Variants in GRHL1 observed in about 807,000 individuals in gnomAD.
GRHL1 encodes the protein grainyhead-like protein 1 homolog.
GRHL1 carries 38 observed loss-of-function variants against 75.7 expected under a neutral mutation model. That is an observed-to-expected ratio of 0.50 (90% CI 0.39 to 0.66). GRHL1 has a LOEUF of 0.66. GRHL1 is among the 30% of genes least tolerant of loss of function. The probability of loss-of-function intolerance (pLI) is 0.00; values close to 1 mark genes in which losing one functional copy is unlikely to be tolerated. For synonymous variants in GRHL1, 266 were observed against 279.4 expected (o/e 0.95, Z 0.48); for missense variants, 589 against 767.5 (o/e 0.77, Z 2.75).
intron 11 of GRHL1, 132 bp from the exon 12 acceptor site, chr2:9,993,075 T>C (rs539962892): frequency 1.9e-5 from 15 of 778,212 alleles, no homozygotes; most frequent in South Asian, 1.4e-4. Flanking sequence ...GAATCTGTTA[T>C]TGAAAACTAA....
chr2:9,966,706 C>T (rs1211538285), intron 8 of GRHL1, among the ~76,000 whole-genome samples: 1 of 152,026 alleles, frequency 6.6e-6, no homozygotes, highest in Non-Finnish European at 1.5e-5. Context: ...GTCTTGAGAG[C>T]CATGTTCTGC....
At chr2:9,959,936 T>C (rs1444483295) in intron 3 of GRHL1, 2 of 152,190 alleles carry the variant, frequency 1.3e-5, no homozygotes, top group Admixed American at 1.3e-4. Flanking sequence ...GTTCAAACAG[T>C]TTTATTGATC....
intron 2 of GRHL1, among the ~76,000 whole-genome samples, chr2:9,956,777 A>G: frequency 6.6e-6 from 1 of 152,154 alleles, no homozygotes. Flanking sequence ...TAAAACATTA[A>G]TTATGAAGTT....
chr2:9,967,203 T>G (rs1280156827), intron 8 of GRHL1, among the ~76,000 whole-genome samples: 2 of 152,242 alleles, frequency 1.3e-5, no homozygotes, highest in Non-Finnish European at 2.9e-5. Context: ...AGTCCCTCAG[T>G]TCACTAGCTC....
intron 5 of GRHL1, 51 bp downstream of exon 5, chr2:9,962,582 T>C (rs1199540943): frequency 2.0e-6 from 2 of 997,676 alleles, no homozygotes; most frequent in East Asian, 4.8e-5. Flanking sequence ...TTATAACTTA[T>C]TCCTTTCTTG....
At chr2:9,958,174 C>CTTTTTTT (rs61051898) in intron 2 of GRHL1, among the ~76,000 whole-genome samples, 3 of 130,762 alleles carry the variant, frequency 2.3e-5, no homozygotes, top group African/African-American at 2.9e-5. Context: ...TTCTTTTTTT[C>CTTTTTTT]TTTTTTTTTT....
At position 9,990,477 on chromosome 2, in the gene GRHL1, A is replaced by G. The variant is rs930514935; in HGVS notation, c.1270-219A>G. Among the ~76,000 whole-genome samples, 3 of 152,172 alleles carry G rather than the reference A, an allele frequency of 2.0e-5. No homozygotes were observed. Among genetic ancestry groups the G allele is most frequent in the Non-Finnish European group, 2.9e-5 (2 of 68,036 alleles). ...GAATTTTGCTTTATTTGTTTTTCAAATAAATGTTGTTCCCTGTGATTTCAT... is the reference window on the plus strand; with the variant it reads ...GAATTTTGCTTTATTTGTTTTTCAAGTAAATGTTGTTCCCTGTGATTTCAT... On this transcript the variant is annotated intron_variant, in intron 9 of 15. Transcript: ENST00000324907. This position sits in a 1 kb window ranked among gnomAD's most constrained non-coding sequence, Gnocchi z 4.2.
chr2:9,966,816 AGTGAGGAAGCTTTAG>A (rs1456821602), intron 8 of GRHL1, among the ~76,000 whole-genome samples: 1 of 152,184 alleles, frequency 6.6e-6, no homozygotes, highest in Non-Finnish European at 1.5e-5. Context: ...CCCACCAGGC[AGTGAGGAAGCTTTAG>A]GTGATTGTGG....
rs1426460943 is a variant in GRHL1, at chr2:9,951,738, C to CCCGCAG, written c.-91_-86dup. The CCCGCAG allele has an allele frequency of 5.0e-6, 6 of 1,201,158 alleles. No individual in the cohort carries two copies. The East Asian group carries it at 1.0e-4, about 21-fold the overall frequency. 74.4% of individuals were successfully genotyped at this position (1,201,158 alleles called of 1,614,324 possible). A position where few individuals can be genotyped will look rare whatever the true frequency, so the allele number is the denominator to read the frequency against. On this transcript the variant is annotated 5_prime_UTR_variant, in exon 1 of 16. Transcript: ENST00000324907. This position sits in a 1 kb window ranked among gnomAD's most constrained non-coding sequence, Gnocchi z 4.2. ...AACCCGTCGGGGCCGCCGCTCCGGA[C>CCCGCAG]CCGCAGCCGCCGCCGCCGCCTCCTC...
At chr2:9,983,867 A>G (rs927617228) in intron 8 of GRHL1, among the ~76,000 whole-genome samples, 6 of 152,098 alleles carry the variant, frequency 3.9e-5, no homozygotes. Flanking sequence ...GTTTAAAAAA[A>G]AAAATGTGGC....
intron 8 of GRHL1, among the ~76,000 whole-genome samples, chr2:9,979,370 G>A (rs1006873240): frequency 2.0e-5 from 3 of 151,802 alleles, no homozygotes; most frequent in African/African-American, 7.2e-5. Flanking sequence ...AAGTAGCTGG[G>A]ACTACAGGTG....
rs887736928 is a variant in GRHL1 at position 9,968,810 on chromosome 2, A to G, written c.1110+3429A>G. ...TTTGCAGGAATTCAGAACTGAGCCCAGCACATATCCGAGAGCCTGCTGTGG... is the reference window on the plus strand; with the variant it reads ...TTTGCAGGAATTCAGAACTGAGCCCGGCACATATCCGAGAGCCTGCTGTGG... On this transcript the variant is annotated intron_variant, in intron 8 of 15. Coordinates refer to ENST00000324907, the MANE Select transcript of GRHL1 (RefSeq NM_198182.3). This position sits in a 1 kb window ranked among gnomAD's most constrained non-coding sequence, Gnocchi z 4.7. Among the ~76,000 whole-genome samples, 2 of 152,204 alleles carry G rather than the reference A, an allele frequency of 1.3e-5. No homozygotes were observed. Among genetic ancestry groups the G allele is most frequent in the Admixed American group, 1.3e-4 (2 of 15,288 alleles).
chr2:9,991,698 C>T lies in GRHL1; in HGVS notation c.1322-309C>T, dbSNP rs147849118. On this transcript the variant is annotated intron_variant, in intron 10 of 15. Coordinates refer to ENST00000324907, the MANE Select transcript of GRHL1 (RefSeq NM_198182.3). Reference sequence around the variant, plus strand: ...ATGTTTACACAATTATACATTTTAGCCTTTCCAATGAAAACTAAATACGCT... The same window carrying T: ...ATGTTTACACAATTATACATTTTAGTCTTTCCAATGAAAACTAAATACGCT... 8.0e-4 allele frequency among the ~76,000 whole-genome samples: 122 copies of T among 152,322 alleles called. 1 individual carries two copies. The highest frequency in any genetic ancestry group is 6.8e-3 in the Middle Eastern group (2 of 294).
At chr2:9,964,640 A>T (rs549456591) in intron 7 of GRHL1, 1 of 276,810 alleles carries the variant, frequency 3.6e-6, no homozygotes, top group Non-Finnish European at 6.8e-6. Context: ...CAATTGCTTT[A>T]AGGGGTAATA....
Position 9,998,873 on chromosome 2 carries a change from T to C in GRHL1, c.1678-92T>C, listed in dbSNP as rs1309829217. On this transcript the variant is annotated intron_variant, in intron 14 of 15. Coordinates refer to ENST00000324907, the MANE Select transcript of GRHL1 (RefSeq NM_198182.3). Reference sequence around the variant, plus strand: ...GTACACATATATATACGTATATATATGTACACATATATATACATATATATA... The same window carrying C: ...GTACACATATATATACGTATATATACGTACACATATATATACATATATATA... 7.5e-5 allele frequency: 17 copies of C among 225,414 alleles called. 5 individuals carry two copies. Among genetic ancestry groups the C allele is most frequent in the East Asian group, 1.9e-4 (2 of 10,368 alleles). 14.0% of individuals were successfully genotyped at this position (225,414 alleles called of 1,614,324 possible). A position where few individuals can be genotyped will look rare whatever the true frequency, so the allele number is the denominator to read the frequency against.
chr2:9,957,585 G>C (rs1402619831), intron 2 of GRHL1, among the ~76,000 whole-genome samples: 2 of 151,798 alleles, frequency 1.3e-5, no homozygotes, highest in Non-Finnish European at 2.9e-5. Context: ...AATTTTTTGT[G>C]TTTTTAGTAG....
In GRHL1 at chr2:9,963,810, T is replaced by C. The variant is rs367909189; in HGVS notation, c.747-76T>C. 1.1e-4 allele frequency: 107 copies of C among 960,448 alleles called. 2 individuals carry two copies. The highest frequency in any genetic ancestry group is 6.4e-4 in the East Asian group (24 of 37,596). 59.5% of individuals were successfully genotyped at this position (960,448 alleles called of 1,614,324 possible). On this transcript the variant is annotated intron_variant, in intron 5 of 15. Transcript: ENST00000324907. ...TTCTTTAAGTGAAAAAGATAGCAAA[T>C]GCTATTTATAATATGATGTATAGCA...
chr2:9,961,707 C>A lies in GRHL1; in HGVS notation c.669+271C>A, dbSNP rs181100464. Among the ~76,000 whole-genome samples, 28 of 152,246 alleles carry A rather than the reference C, an allele frequency of 1.8e-4. No homozygotes were observed. In the East Asian group the frequency reaches 5.0e-3, roughly 27 times the overall value. ...TAAGGGATTTGCTGGAGAAAGAGAA[C>A]CCCATACATAATCTTCTGTTGACCA... On this transcript the variant is annotated intron_variant, in intron 4 of 15. Coordinates refer to ENST00000324907, the MANE Select transcript of GRHL1 (RefSeq NM_198182.3).
chr2:9,981,573 T>G (rs1271147393), intron 8 of GRHL1, among the ~76,000 whole-genome samples: 1 of 152,230 alleles, frequency 6.6e-6, no homozygotes, highest in Non-Finnish European at 1.5e-5. Flanking sequence ...CCGTGGCTGC[T>G]TTTACACTAT....
Sources: gnomAD v4.1 joint callset for allele counts (sites outside exome capture counted in the v4.1 genomes callset) on GRCh38, gnomAD v4.1.1 for gene constraint, Gnocchi (gnomAD v3.1) non-coding constraint, MANE v1.5 for transcripts, NCBI Gene and HGNC (gene_info 2026-07-23, HGNC 2026-07-21) for gene names.